The following ZNF385B variants were observed in gnomAD, a reference collection of about 807,000 sequenced individuals.
The protein encoded by ZNF385B is zinc finger protein 533.
Under a neutral mutation model 39.2 loss-of-function variants are expected in ZNF385B, and 23 were observed. That is an observed-to-expected ratio of 0.59 (90% CI 0.42 to 0.83). The LOEUF (loss-of-function observed/expected upper bound fraction) is 0.83, where lower values mean the gene tolerates loss of function less well. Ranked by LOEUF, ZNF385B falls within the 40% of genes least tolerant of loss-of-function variation. The pLI is 0.00. For synonymous variants in ZNF385B, 205 were observed against 222.6 expected (o/e 0.92, Z 0.70); for missense variants, 552 against 598.9 (o/e 0.92, Z 0.82).
chr2:179,668,232 A>C (rs1695434316), intron 3 of ZNF385B, among the ~76,000 whole-genome samples: 1 of 152,224 alleles, frequency 6.6e-6, no homozygotes, highest in Non-Finnish European at 1.5e-5. Flanking sequence ...GTACTGAATT[A>C]ATCTTTTCCA....
chr2:179,496,553 G>C lies in ZNF385B; in HGVS notation c.553-13119C>G, dbSNP rs144637551. Among the ~76,000 whole-genome samples the C allele has an allele frequency of 3.8e-3, 576 of 152,108 alleles. 3 individuals are homozygous for C. The highest frequency in any genetic ancestry group is 6.9e-3 in the Non-Finnish European group (466 of 67,996). On this transcript the variant is annotated intron_variant, in intron 5 of 9. Coordinates refer to ENST00000410066, the MANE Select transcript of ZNF385B (RefSeq NM_152520.6). ...TACCTCAAGGCACTTAATAATCAAAGTCCCAAAGGTTAAAAATAAAGATTC... is the reference window on the plus strand; with the variant it reads ...TACCTCAAGGCACTTAATAATCAAACTCCCAAAGGTTAAAAATAAAGATTC...
chr2:179,575,659 G>A (rs554154501), intron 3 of ZNF385B, among the ~76,000 whole-genome samples: 4 of 152,088 alleles, frequency 2.6e-5, no homozygotes, highest in African/African-American at 7.2e-5. Flanking sequence ...CCAGACCCAG[G>A]GGAAGAATAT....
chr2:179,719,882 G>C (rs1199074572), intron 3 of ZNF385B, among the ~76,000 whole-genome samples: 1 of 152,154 alleles, frequency 6.6e-6, no homozygotes, highest in Non-Finnish European at 1.5e-5. Flanking sequence ...TATTTTCCAA[G>C]TCCCCGCAAG....
chr2:179,681,232 AT>A (rs1244118707), intron 3 of ZNF385B, among the ~76,000 whole-genome samples: 1 of 151,998 alleles, frequency 6.6e-6, no homozygotes, highest in African/African-American at 2.4e-5. Flanking sequence ...ATTTATTTTT[AT>A]TTTTTTCACA....
chr2:179,649,961 G>T (rs1693060824), intron 3 of ZNF385B, among the ~76,000 whole-genome samples: 1 of 152,106 alleles, frequency 6.6e-6, no homozygotes, highest in South Asian at 2.1e-4. Flanking sequence ...CCCAGTATTA[G>T]CACCCTTCCT....
chr2:179,671,789 G>A (rs982751423), intron 3 of ZNF385B, among the ~76,000 whole-genome samples: 1 of 152,242 alleles, frequency 6.6e-6, no homozygotes, highest in Non-Finnish European at 1.5e-5. Context: ...ATGCACTGCA[G>A]CCAGCAAAGC....
chr2:179,563,156 T>C (rs1283298211), intron 3 of ZNF385B, among the ~76,000 whole-genome samples: 4 of 152,210 alleles, frequency 2.6e-5, no homozygotes, highest in East Asian at 3.8e-4. Context: ...TAGGGTATTA[T>C]GGTAAAATTG....
intron 1 of ZNF385B, among the ~76,000 whole-genome samples, chr2:179,808,845 T>C (rs2106564095): frequency 6.6e-6 from 1 of 152,096 alleles, no homozygotes; most frequent in Admixed American, 6.5e-5. Context: ...AAACACATAT[T>C]ATGATTAACA....
intron 6 of ZNF385B, among the ~76,000 whole-genome samples, chr2:179,448,387 G>A (rs1293637109): frequency 6.6e-6 from 1 of 152,000 alleles, no homozygotes; most frequent in Non-Finnish European, 1.5e-5. Context: ...GAATTACTCA[G>A]TTTCTTGCGA....
At chr2:179,514,522 C>T (rs573775998) in intron 5 of ZNF385B, among the ~76,000 whole-genome samples, 12 of 152,142 alleles carry the variant, frequency 7.9e-5, no homozygotes, top group South Asian at 2.1e-4. Context: ...TATGGGAGCT[C>T]GCTATGTTCT....
intron 3 of ZNF385B, among the ~76,000 whole-genome samples, chr2:179,667,770 A>G (rs1186158309): frequency 2.0e-5 from 3 of 151,752 alleles, no homozygotes. Context: ...CATACAGTGC[A>G]GAGATGACCA....
intron 3 of ZNF385B, among the ~76,000 whole-genome samples, chr2:179,736,402 C>T (rs1701758279): frequency 6.6e-6 from 1 of 151,770 alleles, no homozygotes; most frequent in African/African-American, 2.4e-5. Context: ...GTTGTTGGTC[C>T]TCCCTCAACT....
chr2:179,603,839 A>G (rs991842741), intron 3 of ZNF385B, among the ~76,000 whole-genome samples: 2 of 152,204 alleles, frequency 1.3e-5, no homozygotes, highest in African/African-American at 4.8e-5. Context: ...TTCTATATTT[A>G]TGGGAGAGTA....
chr2:179,765,162 T>C (rs1158560389), intron 3 of ZNF385B, among the ~76,000 whole-genome samples: 2 of 152,252 alleles, frequency 1.3e-5, no homozygotes, highest in Non-Finnish European at 2.9e-5. Context: ...CTACAGGTAG[T>C]TTATTATGTA....
At chr2:179,804,129 C>T (rs1007137434) in intron 1 of ZNF385B, among the ~76,000 whole-genome samples, 2 of 152,198 alleles carry the variant, frequency 1.3e-5, no homozygotes, top group African/African-American at 4.8e-5. Flanking sequence ...GCTTCTCTCT[C>T]TGTGTGTATC....
At chr2:179,600,548 C>T (rs1267178835) in intron 3 of ZNF385B, among the ~76,000 whole-genome samples, 1 of 152,122 alleles carries the variant, frequency 6.6e-6, no homozygotes, top group Non-Finnish European at 1.5e-5. Context: ...AATATGTAAG[C>T]CAAGGTATCC....
At chr2:179,621,575 T>C (rs1397668456) in intron 3 of ZNF385B, among the ~76,000 whole-genome samples, 2 of 152,216 alleles carry the variant, frequency 1.3e-5, no homozygotes, top group Non-Finnish European at 2.9e-5. Flanking sequence ...ATGCATGCAA[T>C]TGGTTCCCCC....
At chr2:179,848,553 A>T (rs1249537004) in intron 1 of ZNF385B, among the ~76,000 whole-genome samples, 2 of 152,250 alleles carry the variant, frequency 1.3e-5, no homozygotes, top group Non-Finnish European at 2.9e-5. Flanking sequence ...ACCATTGCTC[A>T]GTCAAAGCCT....
rs73973714 is a variant in ZNF385B at position 179,723,093 on chromosome 2, C to T, written c.298+46410G>A. 1.9e-3 allele frequency among the ~76,000 whole-genome samples: 290 copies of T among 152,290 alleles called. 1 individual carries two copies. The highest frequency in any genetic ancestry group is 6.8e-3 in the African/African-American group (283 of 41,572). The stretch of plus-strand genomic sequence containing the variant: ...AGAGGATGTGACACAATAGACTGAT[C>T]ATCTGCTGCTGGTCAGAGTGTAAAC... On this transcript the variant is annotated intron_variant, in intron 3 of 9. Coordinates refer to ENST00000410066, the MANE Select transcript of ZNF385B (RefSeq NM_152520.6).
Sources: gnomAD v4.1 joint callset for allele counts (sites outside exome capture counted in the v4.1 genomes callset) on GRCh38, gnomAD v4.1.1 for gene constraint, MANE v1.5 for transcripts, NCBI Gene and HGNC (gene_info 2026-07-23, HGNC 2026-07-21) for gene names.